SHISA9: variants seen among roughly 807,000 people sequenced by gnomAD.
The protein encoded by SHISA9 is protein shisa-9.
In SHISA9, 13 loss-of-function variants were observed where a neutral mutation model predicts 38.0. The ratio of observed to expected loss-of-function variants is 0.34; its 90% confidence interval spans 0.22 to 0.54. The LOEUF (loss-of-function observed/expected upper bound fraction) is 0.54. SHISA9 is among the 20% of genes least tolerant of loss of function. SHISA9 has a pLI of 0.91. For missense variants in SHISA9, 538 were observed against 575.8 expected (o/e 0.93, Z 0.67); for synonymous variants, 275 against 242.0 (o/e 1.14, Z -1.27).
chr16:13,204,494 T>G (rs914635049), intron 3 of SHISA9, among the ~76,000 whole-genome samples: 1 of 152,206 alleles, frequency 6.6e-6, no homozygotes, highest in East Asian at 1.9e-4. Context: ...AATCTTGACA[T>G]AGAATCTAGG....
intron 2 of SHISA9, among the ~76,000 whole-genome samples, chr16:13,121,985 A>G (rs2050215857): frequency 6.6e-6 from 1 of 152,160 alleles, no homozygotes; most frequent in Non-Finnish European, 1.5e-5. Flanking sequence ...GGATTGAGTG[A>G]TACTGTTCAC....
chr16:13,350,709 C>T, the SHISA9 span: 1 of 152,280 alleles, frequency 6.6e-6, no homozygotes, highest in South Asian at 2.1e-4. Context: ...CAAGTTCCTC[C>T]AAGATGACCC....
At chr16:13,277,784 T>G in the SHISA9 span, among the ~76,000 whole-genome samples, 157 of 152,110 alleles carry the variant, frequency 1.0e-3, no homozygotes, top group African/African-American at 3.6e-3. Context: ...ATCCAGAAAC[T>G]TTGCTGAATT....
At position 13,194,090 on chromosome 16, in the gene SHISA9, C is replaced by A. The variant is rs150848504; in HGVS notation, c.692-9304C>A. ...TTCCTCCTCTCTCTTTCTTTTCCTT[C>A]TCACATCCCCCCAAGAACTGGAGGA... On this transcript the variant is annotated intron_variant, in intron 2 of 4. Transcript: ENST00000558583. Among the ~76,000 whole-genome samples, 467 of 152,254 alleles carry A rather than the reference C, an allele frequency of 3.1e-3. 17 individuals carry two copies. Among genetic ancestry groups the A allele is most frequent in the Admixed American group, 0.026 (393 of 15,288 alleles).
the SHISA9 span, among the ~76,000 whole-genome samples, chr16:13,273,488 C>T: frequency 6.6e-6 from 1 of 152,184 alleles, no homozygotes; most frequent in Non-Finnish European, 1.5e-5. Flanking sequence ...AGCACAAGCT[C>T]TCTCTCTGCC....
chr16:13,209,959 G>A (rs372458883), intron 3 of SHISA9, among the ~76,000 whole-genome samples: 1 of 152,130 alleles, frequency 6.6e-6, no homozygotes, highest in Non-Finnish European at 1.5e-5. Flanking sequence ...AAATTAGCTG[G>A]GTGTGGTGGC....
the SHISA9 span, among the ~76,000 whole-genome samples, chr16:13,453,208 C>A: frequency 2.0e-5 from 3 of 152,098 alleles, no homozygotes; most frequent in Non-Finnish European, 4.4e-5. Context: ...TTTCTAGCAT[C>A]CCCAGGGAAA....
chr16:13,557,084 G>T, the SHISA9 span, among the ~76,000 whole-genome samples: 19 of 152,126 alleles, frequency 1.2e-4, no homozygotes, highest in Admixed American at 2.6e-4. Context: ...ACAGTGCCTG[G>T]CATATAGTAA....
At chr16:13,498,271 A>G in the SHISA9 span, among the ~76,000 whole-genome samples, 1 of 152,184 alleles carries the variant, frequency 6.6e-6, no homozygotes, top group Non-Finnish European at 1.5e-5. Context: ...CTGCCTTTAA[A>G]AATCAAACAA....
intron 2 of SHISA9, among the ~76,000 whole-genome samples, chr16:13,183,499 T>C (rs2050794563): frequency 6.6e-6 from 1 of 152,258 alleles, no homozygotes; most frequent in Non-Finnish European, 1.5e-5. Context: ...TAAAATGCTT[T>C]TTCATGGTTC....
At chr16:13,260,172 A>G in the SHISA9 span, among the ~76,000 whole-genome samples, 1 of 150,438 alleles carries the variant, frequency 6.6e-6, no homozygotes, top group Non-Finnish European at 1.5e-5. Flanking sequence ...ACCCACCACC[A>G]TGCCCAGCTG....
chr16:13,315,145 C>G, the SHISA9 span, among the ~76,000 whole-genome samples: 113 of 152,304 alleles, frequency 7.4e-4, no homozygotes, highest in African/African-American at 2.5e-3. Context: ...TCCGGCAGAC[C>G]TGGCCACTCA....
the SHISA9 span, among the ~76,000 whole-genome samples, chr16:13,479,787 G>A: frequency 6.6e-6 from 1 of 152,192 alleles, no homozygotes; most frequent in Admixed American, 6.5e-5. Context: ...TTCACTGGTG[G>A]TTTGGTAAAG....
chr16:13,559,581 CTG>C, the SHISA9 span, among the ~76,000 whole-genome samples: 5 of 152,036 alleles, frequency 3.3e-5, no homozygotes, highest in Non-Finnish European at 7.4e-5. Context: ...CAGGGTCTCT[CTG>C]TGTTTCCCAG....
the SHISA9 span, among the ~76,000 whole-genome samples, chr16:13,302,239 C>A: frequency 6.6e-6 from 1 of 152,092 alleles, no homozygotes; most frequent in Non-Finnish European, 1.5e-5. Context: ...GATGCACAGG[C>A]AGGAAATTAA....
chr16:13,327,130 G>GTCC, the SHISA9 span, among the ~76,000 whole-genome samples: 1 of 152,160 alleles, frequency 6.6e-6, no homozygotes, highest in Non-Finnish European at 1.5e-5. Context: ...ATTACTCTAT[G>GTCC]TGAAAGACGC....
chr16:13,218,514 G>A (rs1321427665), intron 4 of SHISA9, among the ~76,000 whole-genome samples: 2 of 152,188 alleles, frequency 1.3e-5, no homozygotes, highest in Non-Finnish European at 2.9e-5. Flanking sequence ...GACGGTAACA[G>A]CATTGAAAGT....
At chr16:12,969,306 G>T (rs1350689925) in intron 2 of SHISA9, among the ~76,000 whole-genome samples, 1 of 150,928 alleles carries the variant, frequency 6.6e-6, no homozygotes, top group Non-Finnish European at 1.5e-5. Flanking sequence ...GGTGGTTAAT[G>T]TAAAAAAAAG....
chr16:12,931,304 C>T (rs368304950), intron 2 of SHISA9, among the ~76,000 whole-genome samples: 1 of 152,230 alleles, frequency 6.6e-6, no homozygotes, highest in African/African-American at 2.4e-5. Context: ...ATTTTAGATT[C>T]AGGGGGACCA....
Sources: allele counts gnomAD v4.1 joint callset (sites outside exome capture counted in the v4.1 genomes callset), GRCh38; gene constraint gnomAD v4.1.1; transcripts MANE v1.5; gene names NCBI Gene and HGNC (gene_info 2026-07-23, HGNC 2026-07-21).